MANBA: variants seen among roughly 807,000 people sequenced by gnomAD.
MANBA encodes the protein beta-mannosidase.
MANBA carries 83 observed loss-of-function variants against 111.1 expected under a neutral mutation model. The observed-to-expected ratio is 0.75, with a 90% CI of 0.63 to 0.90. MANBA has a LOEUF of 0.90. Ranked by LOEUF, MANBA falls within the 40% of genes least tolerant of loss-of-function variation. The probability of loss-of-function intolerance (pLI) is 0.00; values close to 1 mark genes in which losing one functional copy is unlikely to be tolerated. For synonymous variants in MANBA, 370 were observed against 378.7 expected (o/e 0.98, Z 0.27); for missense variants, 1,036 against 1,069.0 (o/e 0.97, Z 0.43).
At position 102,758,693 on chromosome 4, in the gene MANBA, C is replaced by T. The variant is rs563374002; in HGVS notation, c.177+2025G>A. Among the ~76,000 whole-genome samples, 87 of 152,100 alleles carry T rather than the reference C, an allele frequency of 5.7e-4. 1 individual carries two copies. The highest frequency in any genetic ancestry group is 2.0e-3 in the African/African-American group (84 of 41,498). Reference sequence around the variant, plus strand: ...TCGTAGCTAGGACCACAGGTGTACGCCACCACGCCCAGTTAATTTTTTAAT... The same window carrying T: ...TCGTAGCTAGGACCACAGGTGTACGTCACCACGCCCAGTTAATTTTTTAAT... On this transcript the variant is annotated intron_variant, in intron 1 of 16. Coordinates refer to ENST00000647097, the MANE Select transcript of MANBA (RefSeq NM_005908.4).
intron 12 of MANBA, among the ~76,000 whole-genome samples, chr4:102,654,510 G>A (rs901500914): frequency 1.3e-5 from 2 of 152,154 alleles, no homozygotes; most frequent in Admixed American, 6.5e-5. Context: ...TTCAGGTAGC[G>A]AAATTGAAAA....
At chr4:102,664,636 C>T (rs112873010) in intron 11 of MANBA, 49 bp downstream of exon 11, 20 of 1,534,220 alleles carry the variant, frequency 1.3e-5, no homozygotes, top group African/African-American at 1.1e-4. Context: ...CCACGCCCAG[C>T]CCTAAAGATA....
intron 4 of MANBA, among the ~76,000 whole-genome samples, chr4:102,716,406 C>T (rs1220182089): frequency 1.3e-5 from 2 of 151,294 alleles, no homozygotes; most frequent in Non-Finnish European, 2.9e-5. Context: ...AACTTGCCAA[C>T]CTCAGGTATG....
chr4:102,653,220 GCACACACACACA>G (rs71596357), intron 12 of MANBA, among the ~76,000 whole-genome samples: 1,592 of 145,594 alleles, frequency 0.011, 19 homozygotes, highest in African/African-American at 0.037. Context: ...AGATCTACAT[GCACACACACACA>G]CACACACACA....
chr4:102,657,815 T>A lies in MANBA; in HGVS notation c.1571A>T (p.Asn524Ile). The change falls in exon 12 of 17, where the codon AAT becomes ATT. Residue 524 changes from asparagine (N) to isoleucine (I), a missense_variant. Asn to Ile is a moderately radical substitution (Grantham distance 149, BLOSUM62 -3). Transcript: ENST00000647097. Reference sequence around the variant, plus strand: ...ATGTACATCACCAAAATAATTGCTATTAGGGTTTTGAGAGACCCAGGCTTC... The same window carrying A: ...ATGTACATCACCAAAATAATTGCTAATAGGGTTTTGAGAGACCCAGGCTTC... ...VAEAWVSQNP[N>I]SNYFGDVHFY... 1 of 1,613,886 alleles carries A rather than the reference T, an allele frequency of 6.2e-7. No homozygotes were observed. Among genetic ancestry groups the A allele is most frequent in the Non-Finnish European group, 8.5e-7 (1 of 1,179,730 alleles).
rs748994375 is a variant in MANBA at position 102,657,836 on chromosome 4, G to C, written c.1550C>G (p.Ala517Gly). ...GCTATTAGGGTTTTGAGAGACCCAG[G>C]CTTCTGCAACAGTTTCAGCCCCATT... ...PTNGAETVAE[A>G]WVSQNPNSNY... Residue 517 changes from alanine to glycine, a missense_variant, in exon 12 of 17, where the codon GCC becomes GGC. By Grantham distance (60) the Ala-to-Gly change is moderately conservative. Coordinates refer to ENST00000647097, the MANE Select transcript of MANBA (RefSeq NM_005908.4). The C allele has an allele frequency of 9.9e-6, 16 of 1,613,772 alleles. No homozygotes were observed. Among genetic ancestry groups the C allele is most frequent in the Non-Finnish European group, 1.4e-5 (16 of 1,179,836 alleles).
At chr4:102,683,899 A>G (rs1442251970) in intron 7 of MANBA, among the ~76,000 whole-genome samples, 1 of 152,154 alleles carries the variant, frequency 6.6e-6, no homozygotes, top group Non-Finnish European at 1.5e-5. Context: ...ATTTGCCCCA[A>G]TGTCACTCAA....
chr4:102,730,473 G>A, intron 1 of MANBA: 1 of 518,370 alleles, frequency 1.9e-6, no homozygotes, highest in East Asian at 4.8e-5. Context: ...CACTGCGGGG[G>A]CGGTTCCTGG....
chr4:102,728,747 C>A, intron 1 of MANBA: 1 of 872,896 alleles, frequency 1.1e-6, no homozygotes, highest in South Asian at 1.5e-5. Context: ...CGCAGCTGTT[C>A]ACTTGGGCAG....
chr4:102,677,193 G>C (rs985850081), intron 7 of MANBA, among the ~76,000 whole-genome samples: 1 of 152,160 alleles, frequency 6.6e-6, no homozygotes, highest in African/African-American at 2.4e-5. Flanking sequence ...TTCAGACTTG[G>C]ATACCTGGCA....
chr4:102,742,661 G>A (rs1723446230), intron 1 of MANBA, among the ~76,000 whole-genome samples: 1 of 152,194 alleles, frequency 6.6e-6, no homozygotes, highest in South Asian at 2.1e-4. Flanking sequence ...CAGAGGCAAT[G>A]CTGTGTGGAT....
intron 13 of MANBA, among the ~76,000 whole-genome samples, chr4:102,642,143 T>C (rs1421943862): frequency 6.6e-6 from 1 of 152,116 alleles, no homozygotes; most frequent in Non-Finnish European, 1.5e-5. Context: ...CCTAGTTCCC[T>C]GGAAAATCTC....
chr4:102,693,074 T>C (rs1732555982), intron 5 of MANBA, among the ~76,000 whole-genome samples: 1 of 152,172 alleles, frequency 6.6e-6, no homozygotes, highest in African/African-American at 2.4e-5. Context: ...GTTTATTAAG[T>C]GATTTATTCT....
chr4:102,694,432 T>G (rs1732617859), intron 5 of MANBA, among the ~76,000 whole-genome samples: 1 of 152,174 alleles, frequency 6.6e-6, no homozygotes, highest in South Asian at 2.1e-4. Context: ...TCCTTTTCAC[T>G]TGCTAAATTA....
At chr4:102,678,007 C>T (rs1326657818) in intron 7 of MANBA, among the ~76,000 whole-genome samples, 4 of 152,196 alleles carry the variant, frequency 2.6e-5, no homozygotes, top group Non-Finnish European at 5.9e-5. Context: ...TTTTCAATAA[C>T]TTTTGTAAGT....
intron 7 of MANBA, among the ~76,000 whole-genome samples, chr4:102,678,373 G>T (rs1731814226): frequency 6.6e-6 from 1 of 151,766 alleles, no homozygotes; most frequent in Non-Finnish European, 1.5e-5. Context: ...TGGCAGTCTT[G>T]ATAGTCACAT....
At chr4:102,675,812 A>C (rs1731699782) in intron 7 of MANBA, among the ~76,000 whole-genome samples, 1 of 152,030 alleles carries the variant, frequency 6.6e-6, no homozygotes, top group Admixed American at 6.6e-5. Flanking sequence ...ATCTCTACTA[A>C]ATACAAAAAT....
At chr4:102,759,334 T>A (rs1724147726) in intron 1 of MANBA, among the ~76,000 whole-genome samples, 1 of 151,910 alleles carries the variant, frequency 6.6e-6, no homozygotes, top group Non-Finnish European at 1.5e-5. Flanking sequence ...ATTGGCTTAA[T>A]TATTTCAGTA....
chr4:102,703,657 T>C (rs2110261265), intron 5 of MANBA, among the ~76,000 whole-genome samples: 1 of 152,198 alleles, frequency 6.6e-6, no homozygotes, highest in South Asian at 2.1e-4. Flanking sequence ...CCCAGACTGG[T>C]AATCTGGCTC....
Sources: gnomAD v4.1 joint callset for allele counts (sites outside exome capture counted in the v4.1 genomes callset) on GRCh38, gnomAD v4.1.1 for gene constraint, MANE v1.5 for transcripts, NCBI Gene and HGNC (gene_info 2026-07-23, HGNC 2026-07-21) for gene names.